The following DLG2 variants were observed in gnomAD, a reference collection of about 807,000 sequenced individuals.
DLG2 encodes the protein discs large MAGUK scaffold protein 2.
In DLG2, 45 loss-of-function variants were observed where a neutral mutation model predicts 132.5. The observed-to-expected ratio is 0.34, with a 90% confidence interval of 0.27 to 0.44. DLG2 has a LOEUF of 0.44. Among genes scored for constraint, DLG2 ranks in the 20% least tolerant of loss-of-function variants. DLG2 has a pLI of 1.00. For missense variants in DLG2, 1,045 were observed against 1,196.9 expected, an observed-to-expected ratio of 0.87 and a Z score of 1.87; for synonymous variants, 424 against 419.6, an observed-to-expected ratio of 1.01 and a Z score of -0.13.
chr11:83,878,200 T>A (rs2065251217), intron 15 of DLG2, among the ~76,000 whole-genome samples: 1 of 152,154 alleles, frequency 6.6e-6, no homozygotes, highest in African/African-American at 2.4e-5. Flanking sequence ...TCCTACAAAG[T>A]CATGTGTGCT....
At chr11:84,503,549 G>A (rs74406919) in intron 7 of DLG2, among the ~76,000 whole-genome samples, 2,345 of 152,266 alleles carry the variant, frequency 0.015, 52 homozygotes, top group African/African-American at 0.05. Context: ...TCCATAGAGT[G>A]TGCCACAGAC....
Position 83,925,443 on chromosome 11 carries a change from T to C in DLG2, c.1496+4885A>G, listed in dbSNP as rs148168569. Among the ~76,000 whole-genome samples the C allele has an allele frequency of 5.2e-3, 795 of 152,290 alleles. 11 individuals carry two copies. Among genetic ancestry groups the C allele is most frequent in the African/African-American group, 0.018 (760 of 41,576 alleles). ...TTTTAACAGCTACCTAGAGATTAGG[T>C]ACATTTGAGAAACTGAGGCCTTTTA... On this transcript the variant is annotated intron_variant, in intron 15 of 27. Transcript: ENST00000376104.
At chr11:84,631,241 G>A (rs923612848) in intron 6 of DLG2, among the ~76,000 whole-genome samples, 2 of 137,338 alleles carry the variant, frequency 1.5e-5, no homozygotes, top group Non-Finnish European at 3.1e-5. Context: ...TTTCTCTCAG[G>A]CTTAGACCAG....
intron 18 of DLG2, among the ~76,000 whole-genome samples, chr11:83,743,247 C>T (rs941215655): frequency 6.6e-6 from 1 of 152,050 alleles, no homozygotes; most frequent in East Asian, 1.9e-4. Context: ...TAACTTCTAG[C>T]ACCCTTGTCT....
At position 85,126,127 on chromosome 11, in the gene DLG2, C is replaced by T. The variant is rs192146961; in HGVS notation, c.283-14392G>A. ...AAACATGGTTGACACCTTCAAAGAA[C>T]GGCGGGAAGCCAGCAAGGCCAATGT... On this transcript the variant is annotated intron_variant, in intron 5 of 27. Transcript: ENST00000376104. Among the ~76,000 whole-genome samples the T allele has an allele frequency of 3.1e-3, 477 of 152,200 alleles. 1 individual carries two copies. The highest frequency in any genetic ancestry group is 0.011 in the African/African-American group (461 of 41,548).
chr11:83,790,489 T>G, intron 17 of DLG2: 1 of 1,236,004 alleles, frequency 8.1e-7, no homozygotes, highest in Non-Finnish European at 1.2e-6. Context: ...ATGGGACCAC[T>G]ACTTTGCACT....
At chr11:85,555,141 C>A (rs1408223591) in intron 3 of DLG2, among the ~76,000 whole-genome samples, 1 of 151,828 alleles carries the variant, frequency 6.6e-6, no homozygotes, top group Non-Finnish European at 1.5e-5. Flanking sequence ...TTTGTCTGTG[C>A]AGTGGGCAAG....
intron 3 of DLG2, among the ~76,000 whole-genome samples, chr11:85,497,348 T>C (rs2093690898): frequency 6.6e-6 from 1 of 151,146 alleles, no homozygotes; most frequent in Non-Finnish European, 1.5e-5. Flanking sequence ...GATGAACTCA[T>C]TGAAAAAAAC....
At chr11:84,684,763 G>T (rs1190819837) in intron 6 of DLG2, among the ~76,000 whole-genome samples, 2 of 152,046 alleles carry the variant, frequency 1.3e-5, no homozygotes, top group African/African-American at 4.8e-5. Context: ...TATATGCAAG[G>T]CCTGGCATAT....
At chr11:85,489,518 C>CA (rs2093509374) in intron 3 of DLG2, among the ~76,000 whole-genome samples, 1 of 151,876 alleles carries the variant, frequency 6.6e-6, no homozygotes, top group Non-Finnish European at 1.5e-5. Context: ...CGAAAATCAA[C>CA]AAAAAAACAT....
chr11:85,390,346 T>C (rs2086692814), intron 3 of DLG2, among the ~76,000 whole-genome samples: 1 of 152,048 alleles, frequency 6.6e-6, no homozygotes, highest in Admixed American at 6.6e-5. Flanking sequence ...CACTCCCAAA[T>C]TTATAAAACA....
chr11:84,558,359 A>G (rs1235934063), intron 6 of DLG2, among the ~76,000 whole-genome samples: 1 of 152,196 alleles, frequency 6.6e-6, no homozygotes, highest in Non-Finnish European at 1.5e-5. Flanking sequence ...AAGTTTATAA[A>G]GCAAGAACTT....
chr11:84,824,364 G>C (rs1469300437), intron 6 of DLG2, among the ~76,000 whole-genome samples: 1 of 151,728 alleles, frequency 6.6e-6, no homozygotes, highest in Non-Finnish European at 1.5e-5. Context: ...GAAACACATA[G>C]CTAACAAAAA....
chr11:83,968,514 T>C (rs953408897), intron 12 of DLG2, among the ~76,000 whole-genome samples: 4 of 152,224 alleles, frequency 2.6e-5, no homozygotes, highest in East Asian at 1.9e-4. Context: ...ATTAGAGATA[T>C]GATAAATAAT....
chr11:84,681,589 T>A (rs1286926922), intron 6 of DLG2, among the ~76,000 whole-genome samples: 1 of 152,150 alleles, frequency 6.6e-6, no homozygotes, highest in African/African-American at 2.4e-5. Context: ...GAAGAGAACA[T>A]GCTGGCTCTT....
At chr11:85,525,075 C>T (rs544479703) in intron 3 of DLG2, 2 of 152,214 alleles carry the variant, frequency 1.3e-5, no homozygotes, top group Admixed American at 1.3e-4. Context: ...TTTGTCAAAA[C>T]TCATTTATTA....
intron 16 of DLG2, among the ~76,000 whole-genome samples, chr11:83,865,832 A>G (rs1164928502): frequency 6.6e-6 from 1 of 152,186 alleles, no homozygotes; most frequent in Non-Finnish European, 1.5e-5. Context: ...GTCAACCATG[A>G]GTCAGCCTCC....
At chr11:84,711,719 A>T (rs1451742191) in intron 6 of DLG2, among the ~76,000 whole-genome samples, 1 of 151,978 alleles carries the variant, frequency 6.6e-6, no homozygotes, top group Non-Finnish European at 1.5e-5. Context: ...CAGGTCTTCA[A>T]CTGGTTGGAT....
intron 6 of DLG2, among the ~76,000 whole-genome samples, chr11:84,901,232 G>C (rs1251514861): frequency 6.6e-6 from 1 of 151,988 alleles, no homozygotes; most frequent in African/African-American, 2.4e-5. Context: ...ATCTTCAGTG[G>C]GAGCAACTAG....
Sources: gnomAD v4.1 joint callset for allele counts (sites outside exome capture counted in the v4.1 genomes callset) on GRCh38, gnomAD v4.1.1 for gene constraint, MANE v1.5 for transcripts, NCBI Gene and HGNC (gene_info 2026-07-23, HGNC 2026-07-21) for gene names.